ESR1: variants seen among roughly 807,000 people sequenced by gnomAD.
ESR1 encodes estrogen receptor.
ESR1 carries 12 observed loss-of-function variants against 52.7 expected under a neutral mutation model. That is an observed-to-expected ratio of 0.23 (90% CI 0.15 to 0.37). ESR1 has a LOEUF of 0.37. ESR1 is among the 10% of genes least tolerant of loss of function. ESR1 has a pLI of 1.00. For synonymous variants in ESR1, 305 were observed against 316.8 expected, an observed-to-expected ratio of 0.96 and a Z score of 0.39; for missense variants, 584 against 779.7, an observed-to-expected ratio of 0.75 and a Z score of 2.99.
At chr6:151,895,441 G>A (rs1319920928) in intron 3 of ESR1, among the ~76,000 whole-genome samples, 1 of 152,080 alleles carries the variant, frequency 6.6e-6, no homozygotes, top group African/African-American at 2.4e-5. Flanking sequence ...TGAATAGTGA[G>A]AGTGGGCATC....
intron 5 of ESR1, among the ~76,000 whole-genome samples, chr6:152,032,587 T>G (rs1468161161): frequency 1.3e-5 from 2 of 152,130 alleles, no homozygotes; most frequent in Non-Finnish European, 2.9e-5. Context: ...TTACAAGGGA[T>G]GTGAAGGACC....
rs1783108912 is a variant in ESR1 at position 151,741,705 on chromosome 6, T to G, written c.-71+39700T>G. 2.0e-5 allele frequency among the ~76,000 whole-genome samples: 3 copies of G among 152,194 alleles called. No individual in the cohort carries two copies. The South Asian group carries it at 6.2e-4, about 32-fold the overall frequency. Reference sequence around the variant, plus strand: ...TTGTGTATACTTAAGGTGTACAACATGACGTGATGAGATATATATAGATAA... The same window carrying G: ...TTGTGTATACTTAAGGTGTACAACAGGACGTGATGAGATATATATAGATAA... On this transcript the variant is annotated intron_variant, in intron 2 of 2. Transcript: ENST00000404742.
chr6:151,741,060 C>T (rs1032830797), intron 2 of ESR1, among the ~76,000 whole-genome samples: 7 of 152,128 alleles, frequency 4.6e-5, no homozygotes, highest in East Asian at 1.9e-4. Flanking sequence ...GAAATGCTTC[C>T]GCTTCTTACT....
At chr6:151,806,530 G>GTATGTATGTATA (rs1430574846), upstream of ESR1, among the ~76,000 whole-genome samples, 1 of 96,468 alleles carries the variant, frequency 1.0e-5, no homozygotes, top group African/African-American at 4.0e-5. Context: ...TCCTTAATAT[G>GTATGTATGTATA]TATATATATA....
intron 1 of ESR1, among the ~76,000 whole-genome samples, chr6:151,833,687 T>C (rs893845013): frequency 2.6e-5 from 4 of 152,210 alleles, no homozygotes; most frequent in Admixed American, 2.0e-4. Flanking sequence ...CAGTGGAGGT[T>C]ATGGTATACA....
chr6:151,983,269 C>T (rs917967873), intron 4 of ESR1, among the ~76,000 whole-genome samples: 1 of 151,998 alleles, frequency 6.6e-6, no homozygotes, highest in Non-Finnish European at 1.5e-5. Context: ...AGGAGGAGGG[C>T]GACTACTCCA....
At chr6:151,935,701 G>A (rs1184695408) in intron 3 of ESR1, among the ~76,000 whole-genome samples, 1 of 152,210 alleles carries the variant, frequency 6.6e-6, no homozygotes, top group Non-Finnish European at 1.5e-5. Flanking sequence ...ATTAACAAAT[G>A]AGTATTACAC....
Position 152,028,832 on chromosome 6 carries a change from G to A in ESR1, c.1235+17038G>A, listed in dbSNP as rs188395269. On this transcript the variant is annotated intron_variant, in intron 5 of 7. Coordinates refer to ENST00000206249, the MANE Select transcript of ESR1 (RefSeq NM_000125.4). ...AGCATGCAGCTTGAGATCTGAGAAC[G>A]GGCAGACTGCCTCCTCAAGTGGGTC... is the stretch of plus-strand genomic sequence containing the variant. 4.9e-3 allele frequency among the ~76,000 whole-genome samples: 742 copies of A among 152,282 alleles called. 6 individuals are homozygous for A. The highest frequency in any genetic ancestry group is 0.017 in the African/African-American group (690 of 41,554).
chr6:152,071,137 AC>A (rs1335893476), intron 6 of ESR1, among the ~76,000 whole-genome samples: 1 of 152,206 alleles, frequency 6.6e-6, no homozygotes, highest in East Asian at 1.9e-4. Context: ...CCTAGCAGCG[AC>A]CCAGTGCTCA....
At chr6:152,071,251 A>C (rs1424623272) in intron 6 of ESR1, among the ~76,000 whole-genome samples, 1 of 147,654 alleles carries the variant, frequency 6.8e-6, no homozygotes, top group African/African-American at 2.6e-5. Context: ...TTTAAATATA[A>C]AATTGTGATA....
At chr6:151,921,136 C>G (rs369371218) in intron 3 of ESR1, among the ~76,000 whole-genome samples, 5 of 152,062 alleles carry the variant, frequency 3.3e-5, no homozygotes, top group Non-Finnish European at 7.4e-5. Flanking sequence ...TCCCTGTGTC[C>G]ATGTGTTCTC....
At chr6:151,858,945 C>A (rs1007039554) in intron 2 of ESR1, among the ~76,000 whole-genome samples, 1 of 152,034 alleles carries the variant, frequency 6.6e-6, no homozygotes, top group African/African-American at 2.4e-5. Context: ...TTTCAGTTAC[C>A]AGTTAAGTGG....
chr6:151,702,646 A>G (rs1779884011), intron 2 of ESR1, among the ~76,000 whole-genome samples: 1 of 152,236 alleles, frequency 6.6e-6, no homozygotes, highest in Non-Finnish European at 1.5e-5. Flanking sequence ...AACAGGTAGC[A>G]GTTTCACAAG....
chr6:152,044,569 T>G (rs1301803927), intron 5 of ESR1, among the ~76,000 whole-genome samples: 1 of 125,426 alleles, frequency 8.0e-6, no homozygotes, highest in East Asian at 2.8e-4. Context: ...AAGCCGACAG[T>G]GCGGCCTTCA....
At chr6:151,851,409 A>T (rs1459218973) in intron 2 of ESR1, among the ~76,000 whole-genome samples, 2 of 152,200 alleles carry the variant, frequency 1.3e-5, no homozygotes, top group Non-Finnish European at 2.9e-5. Flanking sequence ...GTGAGGGCCC[A>T]ATATTCTCAG....
rs1182670877 is a variant in ESR1 at position 151,974,271 on chromosome 6, A to C, written c.1096+29763A>C. Among the ~76,000 whole-genome samples, 4 of 152,178 alleles carry C rather than the reference A, an allele frequency of 2.6e-5. No homozygotes were observed. The East Asian group carries it at 7.7e-4, about 29-fold the overall frequency. Reference sequence around the variant, plus strand: ...ATAAGAGTGGCGCCAACTCTTATTGAGTATTTGTTATGTGTCAGGCACTTG... The same window carrying C: ...ATAAGAGTGGCGCCAACTCTTATTGCGTATTTGTTATGTGTCAGGCACTTG... On this transcript the variant is annotated intron_variant, in intron 4 of 7. Transcript: ENST00000206249.
In ESR1 at chr6:152,078,209, C is replaced by T. The variant is rs145791916; in HGVS notation, c.1370-16176C>T. Reference sequence around the variant, plus strand: ...GATCTCATGGTTTTATCAGGGTTTCCGCTTTTGCATCTTCCTCATTTTCTC... The same window carrying T: ...GATCTCATGGTTTTATCAGGGTTTCTGCTTTTGCATCTTCCTCATTTTCTC... On this transcript the variant is annotated intron_variant, in intron 6 of 7. Coordinates refer to ENST00000206249, the MANE Select transcript of ESR1 (RefSeq NM_000125.4). 1.6e-3 allele frequency among the ~76,000 whole-genome samples: 237 copies of T among 152,242 alleles called. 1 individual carries two copies. The highest frequency in any genetic ancestry group is 5.0e-3 in the African/African-American group (209 of 41,538).
chr6:152,115,954 G>T (rs2152514653), intron 6 of ESR1, among the ~76,000 whole-genome samples: 1 of 152,228 alleles, frequency 6.6e-6, no homozygotes, highest in South Asian at 2.1e-4. Context: ...AATTGGTTTG[G>T]GGTATGGCCT....
chr6:151,944,537 G>A (rs766569097), intron 4 of ESR1, 29 bp downstream of exon 4: 8 of 1,592,822 alleles, frequency 5.0e-6, no homozygotes, highest in Admixed American at 3.3e-5. Flanking sequence ...GCTTTTAAGA[G>A]TCAATAGCTT....
Sources: allele counts gnomAD v4.1 joint callset (sites outside exome capture counted in the v4.1 genomes callset), GRCh38; gene constraint gnomAD v4.1.1; transcripts MANE v1.5; gene names NCBI Gene and HGNC (gene_info 2026-07-23, HGNC 2026-07-21).